The following CHODL variants were observed in gnomAD, a reference collection of about 807,000 sequenced individuals.
CHODL encodes transmembrane protein MT75.
Under a neutral mutation model 34.5 loss-of-function variants are expected in CHODL, and 29 were observed. That is an observed-to-expected ratio of 0.84 (90% confidence interval 0.63 to 1.15). CHODL has a LOEUF of 1.15. Among genes scored for constraint, CHODL ranks in the 50% most tolerant of loss-of-function variants. The pLI, the probability that CHODL is intolerant of heterozygous loss-of-function variation, is 0.00. For missense variants in CHODL, 332 were observed against 332.5 expected, an observed-to-expected ratio of 1.00 and a Z score of 0.01; for synonymous variants, 125 against 116.1, an observed-to-expected ratio of 1.08 and a Z score of -0.49.
chr21:18,173,670 T>C (rs1464040334), intron 2 of CHODL, among the ~76,000 whole-genome samples: 1 of 152,114 alleles, frequency 6.6e-6, no homozygotes, highest in African/African-American at 2.4e-5. Context: ...CCTTAGTCAA[T>C]AATCAAAAGT....
intron 2 of CHODL, among the ~76,000 whole-genome samples, chr21:18,040,447 G>T (rs537504271): frequency 1.3e-4 from 20 of 151,840 alleles, no homozygotes; most frequent in Non-Finnish European, 2.7e-4. Context: ...TTAATGAAAA[G>T]TGATTACAAA....
chr21:18,032,465 A>G (rs1052024723), intron 2 of CHODL, among the ~76,000 whole-genome samples: 2 of 152,060 alleles, frequency 1.3e-5, no homozygotes, highest in African/African-American at 4.8e-5. Flanking sequence ...CTAGGGAGTC[A>G]TTGGAGATTA....
At chr21:18,230,386 C>A (rs1024829336) in intron 2 of CHODL, among the ~76,000 whole-genome samples, 7 of 152,022 alleles carry the variant, frequency 4.6e-5, no homozygotes, top group Non-Finnish European at 7.4e-5. Context: ...CATTCAGAAT[C>A]ACAAAATTAG....
chr21:18,111,713 C>T (rs2065354019), intron 2 of CHODL, among the ~76,000 whole-genome samples: 1 of 152,158 alleles, frequency 6.6e-6, no homozygotes, highest in South Asian at 2.1e-4. Context: ...TTATCAATTA[C>T]TTACTTATAC....
At chr21:18,164,562 C>T (rs2073131299) in intron 2 of CHODL, among the ~76,000 whole-genome samples, 1 of 152,182 alleles carries the variant, frequency 6.6e-6, no homozygotes, top group South Asian at 2.1e-4. Context: ...CTTAACTTTT[C>T]CTGTAGCTTC....
At chr21:18,197,401 A>G (rs1192565027) in intron 2 of CHODL, among the ~76,000 whole-genome samples, 1 of 152,202 alleles carries the variant, frequency 6.6e-6, no homozygotes, top group East Asian at 1.9e-4. Flanking sequence ...ACTTGAGGTC[A>G]GGAGTTCGAG....
At chr21:18,260,109 TTTTTA>T (rs892688521) in intron 3 of CHODL, 86 bp from the exon 4 acceptor site, 23 of 451,016 alleles carry the variant, frequency 5.1e-5, no homozygotes, top group African/African-American at 1.0e-4. Context: ...AATTGTGATG[TTTTTA>T]TTTTATAATA....
rs192581064 is a variant in CHODL at position 17,943,626 on chromosome 21, G to A, written c.-145+26226G>A. Among the ~76,000 whole-genome samples the A allele has an allele frequency of 3.8e-3, 574 of 152,248 alleles. 6 individuals carry two copies. The highest frequency in any genetic ancestry group is 0.013 in the African/African-American group (534 of 41,554). On this transcript the variant is annotated intron_variant, in intron 1 of 6. Transcript: ENST00000400127. The stretch of plus-strand genomic sequence containing the variant: ...GGACTAGAACATTCTTTCAAAAACC[G>A]GAACACCTGGAAACAAGTCTGAGAC...
chr21:18,015,967 A>T (rs890978667), intron 1 of CHODL, among the ~76,000 whole-genome samples: 3 of 152,164 alleles, frequency 2.0e-5, no homozygotes, highest in African/African-American at 4.8e-5. Flanking sequence ...ACTAGAACTC[A>T]TATTTAAAAG....
At chr21:18,103,898 G>T (rs1314672172) in intron 2 of CHODL, among the ~76,000 whole-genome samples, 2 of 152,084 alleles carry the variant, frequency 1.3e-5, no homozygotes, top group Non-Finnish European at 2.9e-5. Context: ...TCCAGAGGAA[G>T]GGGATTAGAC....
At chr21:18,036,782 G>C (rs1207027643) in intron 2 of CHODL, among the ~76,000 whole-genome samples, 1 of 151,824 alleles carries the variant, frequency 6.6e-6, no homozygotes, top group Non-Finnish European at 1.5e-5. Flanking sequence ...GCAGATATGA[G>C]TGACTTCAGT....
upstream of CHODL, among the ~76,000 whole-genome samples, chr21:18,244,341 C>T (rs2074110369): frequency 6.6e-6 from 1 of 152,134 alleles, no homozygotes; most frequent in Non-Finnish European, 1.5e-5. Flanking sequence ...AAACAACCTG[C>T]TTGGAGATAA....
intron 2 of CHODL, among the ~76,000 whole-genome samples, chr21:18,176,836 G>A (rs1461017594): frequency 2.0e-5 from 3 of 152,052 alleles, no homozygotes; most frequent in East Asian, 3.9e-4. Context: ...GGTAGGAGAA[G>A]AGAAATTGGA....
intron 2 of CHODL, among the ~76,000 whole-genome samples, chr21:18,191,819 G>A (rs1184652046): frequency 6.6e-6 from 1 of 152,128 alleles, no homozygotes; most frequent in African/African-American, 2.4e-5. Context: ...GAGAAATAGG[G>A]AGTTGTTTTT....
At position 18,088,314 on chromosome 21, in the gene CHODL, T is replaced by A. The variant is rs989755109; in HGVS notation, c.-45+60343T>A. On this transcript the variant is annotated intron_variant, in intron 2 of 6. Transcript: ENST00000400127. ...AGGGCAGCAGGGTCACTTCCAGGGGTGTGTGAGAGTCTCACTCTCCCTCGT... is the reference window on the plus strand; with the variant it reads ...AGGGCAGCAGGGTCACTTCCAGGGGAGTGTGAGAGTCTCACTCTCCCTCGT... 5.3e-5 allele frequency among the ~76,000 whole-genome samples: 8 copies of A among 152,256 alleles called. No homozygotes were observed. In the East Asian group the frequency reaches 1.4e-3, roughly 26 times the overall value.
intron 2 of CHODL, among the ~76,000 whole-genome samples, chr21:18,180,841 T>C (rs895742290): frequency 6.6e-6 from 1 of 152,242 alleles, no homozygotes; most frequent in African/African-American, 2.4e-5. Context: ...ACTAGGCTTA[T>C]AAATTGGGGC....
chr21:18,208,095 T>A (rs1601149216), intron 2 of CHODL, among the ~76,000 whole-genome samples: 1 of 152,226 alleles, frequency 6.6e-6, no homozygotes, highest in East Asian at 1.9e-4. Context: ...ATAACTTGAA[T>A]TAGATTAAGA....
chr21:17,976,673 A>G (rs2063665723), intron 1 of CHODL, among the ~76,000 whole-genome samples: 1 of 152,208 alleles, frequency 6.6e-6, no homozygotes, highest in Non-Finnish European at 1.5e-5. Flanking sequence ...ATATTTGTTC[A>G]GCTCTTACTA....
At chr21:18,017,836 G>A (rs2064089857) in intron 1 of CHODL, among the ~76,000 whole-genome samples, 1 of 152,188 alleles carries the variant, frequency 6.6e-6, no homozygotes, top group African/African-American at 2.4e-5. Flanking sequence ...AAATTCACAG[G>A]CACTCAACAA....
Sources: allele counts gnomAD v4.1 joint callset (sites outside exome capture counted in the v4.1 genomes callset), GRCh38; gene constraint gnomAD v4.1.1; transcripts MANE v1.5; gene names NCBI Gene and HGNC (gene_info 2026-07-23, HGNC 2026-07-21).